NXPE2: variants seen among roughly 807,000 people sequenced by gnomAD.
The protein encoded by NXPE2 is neurexophilin and PC-esterase domain family member 2.
NXPE2 carries 34 observed loss-of-function variants against 34.4 expected under a neutral mutation model. The ratio of observed to expected loss-of-function variants is 0.99; its 90% CI spans 0.75 to 1.31. NXPE2 has a LOEUF of 1.31. Among genes scored for constraint, NXPE2 ranks in the 40% most tolerant of loss-of-function variants. The pLI is 0.00. For synonymous variants in NXPE2, 235 were observed against 231.3 expected, an observed-to-expected ratio of 1.02 and a Z score of -0.15; for missense variants, 649 against 672.5, an observed-to-expected ratio of 0.97 and a Z score of 0.39.
chr11:114,625,052 G>T, the NXPE2 span, among the ~76,000 whole-genome samples: 1 of 152,052 alleles, frequency 6.6e-6, no homozygotes, highest in South Asian at 2.1e-4. Flanking sequence ...CTGTTACCCT[G>T]TGGATGATAA....
chr11:114,638,865 T>C, the NXPE2 span, among the ~76,000 whole-genome samples: 1 of 151,912 alleles, frequency 6.6e-6, no homozygotes, highest in African/African-American at 2.4e-5. Flanking sequence ...GAGGTGTCAG[T>C]CTGCCCCTAC....
At chr11:114,661,426 C>T in the NXPE2 span, among the ~76,000 whole-genome samples, 1 of 152,112 alleles carries the variant, frequency 6.6e-6, no homozygotes, top group Non-Finnish European at 1.5e-5. Context: ...CAAAGGTAAA[C>T]AGAATCCTAG....
At chr11:114,617,991 C>T in the NXPE2 span, among the ~76,000 whole-genome samples, 5 of 151,976 alleles carry the variant, frequency 3.3e-5, no homozygotes, top group African/African-American at 9.6e-5. Context: ...AGTGTTGCCT[C>T]GTGGGTAACC....
the NXPE2 span, among the ~76,000 whole-genome samples, chr11:114,650,513 A>T: frequency 6.6e-6 from 1 of 152,208 alleles, no homozygotes; most frequent in Non-Finnish European, 1.5e-5. Flanking sequence ...CCTGGCCTTA[A>T]GCAACAGCCT....
chr11:114,627,626 A>G, the NXPE2 span, among the ~76,000 whole-genome samples: 11 of 151,362 alleles, frequency 7.3e-5, no homozygotes, highest in Non-Finnish European at 1.5e-4. Context: ...GAGCAAAATA[A>G]CCACTTAACA....
chr11:114,778,923 G>C, the NXPE2 span, among the ~76,000 whole-genome samples: 1 of 152,192 alleles, frequency 6.6e-6, no homozygotes, highest in Non-Finnish European at 1.5e-5. Flanking sequence ...ACCCGTTGTG[G>C]CTTTAAAGTT....
At chr11:114,776,235 A>G in the NXPE2 span, among the ~76,000 whole-genome samples, 1 of 152,220 alleles carries the variant, frequency 6.6e-6, no homozygotes. Context: ...CGGGCACAGG[A>G]GAGCCCACGA....
At chr11:114,772,296 C>A in the NXPE2 span, among the ~76,000 whole-genome samples, 1 of 152,090 alleles carries the variant, frequency 6.6e-6, no homozygotes, top group Admixed American at 6.5e-5. Flanking sequence ...TTAACACATT[C>A]GTGGTAATTA....
chr11:114,472,200 A>G, the NXPE2 span, among the ~76,000 whole-genome samples: 5 of 152,354 alleles, frequency 3.3e-5, no homozygotes, highest in East Asian at 9.7e-4. Flanking sequence ...CTTGGAAGAC[A>G]GGATACATGA....
the NXPE2 span, among the ~76,000 whole-genome samples, chr11:114,484,284 C>T: frequency 6.6e-6 from 1 of 152,154 alleles, no homozygotes; most frequent in South Asian, 2.1e-4. Context: ...AATTCAAGTC[C>T]CCTCTTTGCT....
chr11:114,806,303 G>A, the NXPE2 span, among the ~76,000 whole-genome samples: 1 of 152,204 alleles, frequency 6.6e-6, no homozygotes, highest in South Asian at 2.1e-4. Flanking sequence ...CTCCTCCAAA[G>A]GAATGCAGCT....
chr11:114,744,435 T>TGCTA, the NXPE2 span, among the ~76,000 whole-genome samples: 1 of 152,010 alleles, frequency 6.6e-6, no homozygotes, highest in South Asian at 2.1e-4. Flanking sequence ...AAACATGACA[T>TGCTA]TTATTGTTGA....
intron 2 of NXPE2, 33 bp from the exon 3 acceptor site, chr11:114,698,012 G>A: frequency 6.9e-7 from 1 of 1,442,388 alleles, no homozygotes; most frequent in South Asian, 1.6e-5. Context: ...ATTGTTTGCT[G>A]ATGATATTTT....
At chr11:114,527,426 C>T in the NXPE2 span, among the ~76,000 whole-genome samples, 1 of 152,116 alleles carries the variant, frequency 6.6e-6, no homozygotes. Context: ...GTCTTTAAAA[C>T]ATATAATCAG....
chr11:114,632,912 A>T, the NXPE2 span, among the ~76,000 whole-genome samples: 1 of 87,226 alleles, frequency 1.1e-5, no homozygotes, highest in East Asian at 2.9e-4. Context: ...ATACAATATT[A>T]TATTTTATAT....
At chr11:114,637,365 G>C in the NXPE2 span, among the ~76,000 whole-genome samples, 2 of 151,964 alleles carry the variant, frequency 1.3e-5, no homozygotes, top group African/African-American at 4.8e-5. Flanking sequence ...GTCTCTGCCT[G>C]TGAGATGGGT....
chr11:114,510,235 T>C, the NXPE2 span, among the ~76,000 whole-genome samples: 1 of 152,174 alleles, frequency 6.6e-6, no homozygotes, highest in Non-Finnish European at 1.5e-5. Context: ...TTCCATTTTA[T>C]GTATTTATTT....
At chr11:114,615,948 C>T in the NXPE2 span, among the ~76,000 whole-genome samples, 1 of 151,116 alleles carries the variant, frequency 6.6e-6, no homozygotes, top group Non-Finnish European at 1.5e-5. Flanking sequence ...TATGGGTAAC[C>T]ACTGTTACCC....
chr11:114,523,824 C>T, the NXPE2 span, among the ~76,000 whole-genome samples: 2 of 152,190 alleles, frequency 1.3e-5, no homozygotes, highest in African/African-American at 4.8e-5. Flanking sequence ...CATCACTGAG[C>T]CAATGCCTTG....
Sources: allele counts gnomAD v4.1 joint callset (sites outside exome capture counted in the v4.1 genomes callset), GRCh38; gene constraint gnomAD v4.1.1; transcripts MANE v1.5; gene names NCBI Gene and HGNC (gene_info 2026-07-23, HGNC 2026-07-21).